The following SNAP91 variants were observed in gnomAD, a reference collection of about 807,000 sequenced individuals.
SNAP91 encodes the protein synaptosome associated protein 91.
A neutral mutation model predicts 100.3 loss-of-function variants in SNAP91; 27 were observed. The ratio of observed to expected loss-of-function variants is 0.27; its 90% CI spans 0.20 to 0.37. The LOEUF (loss-of-function observed/expected upper bound fraction) is 0.37, where lower values mean the gene tolerates loss of function less well. Ranked by LOEUF, SNAP91 falls within the 10% of genes least tolerant of loss-of-function variation. The probability of loss-of-function intolerance (pLI) is 1.00; values close to 1 mark genes in which losing one functional copy is unlikely to be tolerated. For missense variants in SNAP91, 986 were observed against 1,123.7 expected, an observed-to-expected ratio of 0.88 and a Z score of 1.75; for synonymous variants, 404 against 398.6, an observed-to-expected ratio of 1.01 and a Z score of -0.16.
At chr6:83,566,350 T>C (rs1188790613) in intron 26 of SNAP91, among the ~76,000 whole-genome samples, 1 of 152,138 alleles carries the variant, frequency 6.6e-6, no homozygotes, top group Non-Finnish European at 1.5e-5. Context: ...AATTTAAATG[T>C]TATGTGAATT....
At chr6:83,677,875 T>C (rs1038046453) in intron 2 of SNAP91, among the ~76,000 whole-genome samples, 15 of 152,214 alleles carry the variant, frequency 9.9e-5, no homozygotes, top group Admixed American at 9.8e-4. Flanking sequence ...TCTATAGAGG[T>C]GGAAGATGAC....
chr6:83,707,798 A>G lies in SNAP91; in HGVS notation c.130T>C (p.Tyr44His), dbSNP rs994023616. ...CCCTCTTATATAAAGAGATGCTTACAGTCCAGGTGCTTTTTCTTGGGGCCC... is the reference window on the plus strand; with the variant it reads ...CCCTCTTATATAAAGAGATGCTTACGGTCCAGGTGCTTTTTCTTGGGGCCC... ...VMGPKKKHLD[Y>H]LIQATNETNV... The change falls in exon 2 of 30, where the codon TAT (tyrosine) becomes CAT (histidine). Residue 44 changes from tyrosine to histidine, a missense_variant and splice_region_variant. Coordinates refer to ENST00000369694, the MANE Select transcript of SNAP91 (RefSeq NM_001242792.2). The G allele has an allele frequency of 1.2e-6, 2 of 1,612,968 alleles. No individual in the cohort carries two copies. The highest frequency in any genetic ancestry group is 8.5e-7 in the Non-Finnish European group (1 of 1,179,536).
intron 2 of SNAP91, among the ~76,000 whole-genome samples, chr6:83,694,709 G>T (rs1300075017): frequency 6.6e-6 from 1 of 152,128 alleles, no homozygotes; most frequent in Non-Finnish European, 1.5e-5. Context: ...GTGTGAAACA[G>T]AAACAAGCGA....
intron 14 of SNAP91, among the ~76,000 whole-genome samples, chr6:83,604,319 TTAAA>T (rs2095477843): frequency 1.3e-5 from 2 of 151,646 alleles, no homozygotes; most frequent in South Asian, 2.1e-4. Flanking sequence ...TTTAATAAAG[TTAAA>T]TAAAGCTGAG....
At chr6:83,556,321 C>T (rs147148563) in intron 28 of SNAP91, 76 bp from the exon 29 acceptor site, 728 of 54,298 alleles carry the variant, frequency 0.013, 24 homozygotes, top group African/African-American at 0.083. Flanking sequence ...GAAGAGGGGG[C>T]AGGGGGAGAG....
intron 2 of SNAP91, among the ~76,000 whole-genome samples, chr6:83,669,260 T>C (rs2098740741): frequency 6.6e-6 from 1 of 151,824 alleles, no homozygotes; most frequent in South Asian, 2.1e-4. Flanking sequence ...CTCTCATAAG[T>C]AGTTATTATA....
intron 21 of SNAP91, among the ~76,000 whole-genome samples, chr6:83,591,728 T>C (rs2093775061): frequency 6.6e-6 from 1 of 152,216 alleles, no homozygotes; most frequent in Admixed American, 6.5e-5. Context: ...TTAGTGTTTA[T>C]CTGACACAAG....
intron 3 of SNAP91, among the ~76,000 whole-genome samples, chr6:83,665,073 A>G (rs564485647): frequency 6.6e-6 from 1 of 152,252 alleles, no homozygotes; most frequent in Non-Finnish European, 1.5e-5. Context: ...ACATAATACT[A>G]TTGCACACTT....
intron 12 of SNAP91, among the ~76,000 whole-genome samples, chr6:83,608,426 T>C (rs2095784853): frequency 1.3e-5 from 2 of 152,200 alleles, no homozygotes; most frequent in South Asian, 2.1e-4. Context: ...GAGGTATTAA[T>C]AGTCAATTAA....
chr6:83,583,889 C>T (rs1203727112), intron 22 of SNAP91, among the ~76,000 whole-genome samples: 2 of 152,068 alleles, frequency 1.3e-5, no homozygotes, highest in African/African-American at 4.8e-5. Context: ...AGGCTTTCCT[C>T]ATATGTGTAT....
chr6:83,569,766 A>T (rs1026230966), intron 26 of SNAP91, among the ~76,000 whole-genome samples: 65 of 151,954 alleles, frequency 4.3e-4, no homozygotes, highest in African/African-American at 1.5e-3. Context: ...GTCTCATGAG[A>T]TCTGATGGTT....
chr6:83,689,265 T>C (rs1175638076), intron 2 of SNAP91, among the ~76,000 whole-genome samples: 1 of 152,202 alleles, frequency 6.6e-6, no homozygotes, highest in Non-Finnish European at 1.5e-5. Context: ...CTCTTTATAC[T>C]TGAGTATACT....
chr6:83,623,737 A>G (rs1186676951), intron 8 of SNAP91, among the ~76,000 whole-genome samples: 3 of 152,066 alleles, frequency 2.0e-5, no homozygotes, highest in East Asian at 1.9e-4. Context: ...CATTCAGGGT[A>G]TAATTTCCAC....
Position 83,641,161 on chromosome 6 carries a change from G to T in SNAP91, c.700C>A (p.Leu234Ile). Residue 234 changes from leucine (L) to isoleucine (I), a missense_variant, in exon 8 of 30, where the codon CTA becomes ATA. Coordinates refer to ENST00000369694, the MANE Select transcript of SNAP91 (RefSeq NM_001242792.2). The stretch of plus-strand genomic sequence containing the variant: ...GTTAGAAATCGTTTGTAAATTTCTA[G>T]AGCATCTTTACATTGTCCTTTCTTC... ...EMKKGQCKDA[L>I]EIYKRFLTRM... is the part of the protein sequence containing the mutation. 6.5e-7 allele frequency: 1 copy of T among 1,536,780 alleles called. No individual in the cohort carries two copies.
intron 22 of SNAP91, among the ~76,000 whole-genome samples, chr6:83,590,962 G>C (rs1302948038): frequency 6.6e-6 from 1 of 151,732 alleles, no homozygotes; most frequent in Non-Finnish European, 1.5e-5. Context: ...AGATTTGGGG[G>C]GGCAAGTACA....
intron 16 of SNAP91, among the ~76,000 whole-genome samples, chr6:83,600,607 A>G (rs2095078531): frequency 6.6e-6 from 1 of 152,200 alleles, no homozygotes; most frequent in South Asian, 2.1e-4. Flanking sequence ...GTCAGAATTT[A>G]CATTTCCATG....
chr6:83,654,641 ACTT>A (rs34561931), intron 7 of SNAP91, among the ~76,000 whole-genome samples: 28,097 of 152,102 alleles, frequency 0.18, 3,281 homozygotes, highest in South Asian at 0.29. Flanking sequence ...GAGTAGATAT[ACTT>A]CAAAACTAGC....
chr6:83,584,590 C>G (rs890166534), intron 22 of SNAP91, among the ~76,000 whole-genome samples: 1 of 152,086 alleles, frequency 6.6e-6, no homozygotes, highest in Non-Finnish European at 1.5e-5. Context: ...AGGCACTGTT[C>G]TAGGTTTCCT....
intron 16 of SNAP91, among the ~76,000 whole-genome samples, chr6:83,595,896 T>C (rs982703609): frequency 6.6e-5 from 10 of 152,200 alleles, no homozygotes; most frequent in Non-Finnish European, 1.3e-4. Context: ...TAGTTTTATG[T>C]GGAATAACAA....
Sources: gnomAD v4.1 joint callset for allele counts (sites outside exome capture counted in the v4.1 genomes callset) on GRCh38, gnomAD v4.1.1 for gene constraint, MANE v1.5 for transcripts, NCBI Gene and HGNC (gene_info 2026-07-23, HGNC 2026-07-21) for gene names.